The following MIPOL1 variants were observed in gnomAD, a reference collection of about 807,000 sequenced individuals.
MIPOL1 encodes the protein mirror-image polydactyly gene 1 protein.
MIPOL1 carries 57 observed loss-of-function variants against 60.9 expected under a neutral mutation model. The observed-to-expected ratio is 0.94, with a 90% CI of 0.76 to 1.17. The LOEUF (loss-of-function observed/expected upper bound fraction) is 1.17. Among genes scored for constraint, MIPOL1 ranks in the 50% most tolerant of loss-of-function variants. MIPOL1 has a pLI of 0.00. For synonymous variants in MIPOL1, 179 were observed against 168.8 expected (o/e 1.06, Z -0.47); for missense variants, 551 against 511.6 (o/e 1.08, Z -0.74).
chr14:37,537,520 A>C (rs552047864), intron 12 of MIPOL1, among the ~76,000 whole-genome samples: 1 of 152,282 alleles, frequency 6.6e-6, no homozygotes, highest in East Asian at 1.9e-4. Context: ...ACCCATTATT[A>C]AATTTGAGTT....
intron 1 of MIPOL1, among the ~76,000 whole-genome samples, chr14:37,227,396 A>G (rs938620621): frequency 2.6e-5 from 4 of 152,278 alleles, no homozygotes; most frequent in Admixed American, 2.6e-4. Context: ...GTCATTGTAT[A>G]CTATCTCTCC....
intron 11 of MIPOL1, among the ~76,000 whole-genome samples, chr14:37,495,478 G>T (rs1392238855): frequency 6.7e-6 from 1 of 150,340 alleles, no homozygotes; most frequent in African/African-American, 2.5e-5. Flanking sequence ...TTTTATGGCT[G>T]CATAGTATCC....
At chr14:37,433,359 A>G (rs1203541834) in intron 11 of MIPOL1, among the ~76,000 whole-genome samples, 4 of 151,890 alleles carry the variant, frequency 2.6e-5, no homozygotes, top group Admixed American at 2.6e-4. Context: ...TCCTAATGCT[A>G]TCCCTCCCCT....
At chr14:37,265,649 T>G (rs2082823264) in intron 3 of MIPOL1, among the ~76,000 whole-genome samples, 1 of 152,042 alleles carries the variant, frequency 6.6e-6, no homozygotes, top group Non-Finnish European at 1.5e-5. Context: ...AAATAGTTGG[T>G]CAAAAAAACA....
intron 12 of MIPOL1, among the ~76,000 whole-genome samples, chr14:37,535,676 T>TA (rs1263450159): frequency 3.9e-5 from 6 of 152,192 alleles, no homozygotes; most frequent in Non-Finnish European, 8.8e-5. Context: ...CTTCATATGA[T>TA]ATATATCTAC....
At chr14:37,536,190 G>A (rs899059713) in intron 12 of MIPOL1, among the ~76,000 whole-genome samples, 4 of 152,114 alleles carry the variant, frequency 2.6e-5, no homozygotes, top group Non-Finnish European at 5.9e-5. Context: ...AGGCTTTAAC[G>A]CTAAATATTG....
intron 12 of MIPOL1, among the ~76,000 whole-genome samples, chr14:37,530,024 G>A (rs2095470298): frequency 6.6e-6 from 1 of 152,164 alleles, no homozygotes. Context: ...TATTAAATCA[G>A]GTTGGTGTTA....
At chr14:37,426,552 ACT>A (rs1200830432) in intron 11 of MIPOL1, among the ~76,000 whole-genome samples, 1 of 85,328 alleles carries the variant, frequency 1.2e-5, no homozygotes, top group African/African-American at 4.4e-5. Flanking sequence ...CAAGAGTGAA[ACT>A]CTGTCTCAAA....
chr14:37,391,967 CTAAAT>C (rs1273902767), intron 10 of MIPOL1, among the ~76,000 whole-genome samples: 1 of 151,714 alleles, frequency 6.6e-6, no homozygotes, highest in Non-Finnish European at 1.5e-5. Flanking sequence ...CTTAAATAGT[CTAAAT>C]TAAATATTAA....
At chr14:37,200,830 C>T (rs1442603856) in intron 1 of MIPOL1, among the ~76,000 whole-genome samples, 1 of 130,286 alleles carries the variant, frequency 7.7e-6, no homozygotes, top group Non-Finnish European at 1.6e-5. Flanking sequence ...AAATATAGAT[C>T]CATAATACTA....
At chr14:37,214,463 A>G (rs1207765038) in intron 1 of MIPOL1, among the ~76,000 whole-genome samples, 1 of 152,222 alleles carries the variant, frequency 6.6e-6, no homozygotes, top group Non-Finnish European at 1.5e-5. Flanking sequence ...CAAGCCACCC[A>G]GGTGCTGAGG....
chr14:37,402,318 C>T (rs573820837), intron 10 of MIPOL1, among the ~76,000 whole-genome samples: 4 of 152,202 alleles, frequency 2.6e-5, no homozygotes, highest in Non-Finnish European at 5.9e-5. Context: ...AAATTTGCCA[C>T]CTTTTGGGGA....
intron 6 of MIPOL1, among the ~76,000 whole-genome samples, chr14:37,282,172 C>G (rs1293503616): frequency 6.6e-6 from 1 of 151,778 alleles, no homozygotes; most frequent in Non-Finnish European, 1.5e-5. Flanking sequence ...TGTAGTTTGA[C>G]AGTATAAATA....
intron 9 of MIPOL1, among the ~76,000 whole-genome samples, chr14:37,353,453 A>G (rs2091560992): frequency 6.6e-6 from 1 of 151,524 alleles, no homozygotes; most frequent in Admixed American, 6.6e-5. Flanking sequence ...CTCTTTTTCT[A>G]TTGATTGGAA....
chr14:37,291,605 T>C (rs961307190), intron 7 of MIPOL1, among the ~76,000 whole-genome samples: 1 of 152,182 alleles, frequency 6.6e-6, no homozygotes, highest in African/African-American at 2.4e-5. Context: ...CTTCTTTCCC[T>C]TGTGTCTTAT....
Position 37,391,401 on chromosome 14 carries a change from C to CTTT in MIPOL1, c.936+21788_936+21790dup, listed in dbSNP as rs10656096. Among the ~76,000 whole-genome samples, 1,072 of 145,146 alleles carry CTTT rather than the reference C, an allele frequency of 7.4e-3. 21 individuals carry two copies. In the East Asian group the frequency reaches 0.078, roughly 11 times the overall value. On this transcript the variant is annotated intron_variant, in intron 10 of 12. Transcript: ENST00000684589. Reference sequence around the variant, plus strand: ...AAATATTGATCTAATGAAGCCTAATCTTTTTTTTTTTTTGAGATAGAGTCT... The same window carrying CTTT: ...AAATATTGATCTAATGAAGCCTAATCTTTTTTTTTTTTTTTTGAGATAGAGTCT...
intron 11 of MIPOL1, among the ~76,000 whole-genome samples, chr14:37,480,355 T>C (rs1408186759): frequency 1.3e-5 from 2 of 152,150 alleles, no homozygotes; most frequent in Non-Finnish European, 2.9e-5. Context: ...TCCACCATTA[T>C]CGAGTGGGAT....
chr14:37,356,753 G>A (rs1034896652), intron 9 of MIPOL1, among the ~76,000 whole-genome samples: 2 of 152,124 alleles, frequency 1.3e-5, no homozygotes, highest in African/African-American at 4.8e-5. Context: ...GCAATGCCTC[G>A]CCCTGCTTCG....
At chr14:37,529,343 G>A (rs919202414) in intron 12 of MIPOL1, among the ~76,000 whole-genome samples, 15 of 152,102 alleles carry the variant, frequency 9.9e-5, no homozygotes, top group African/African-American at 3.4e-4. Flanking sequence ...AGCACTACTG[G>A]TTGGATACAT....
Sources: allele counts gnomAD v4.1 joint callset (sites outside exome capture counted in the v4.1 genomes callset), GRCh38; gene constraint gnomAD v4.1.1; transcripts MANE v1.5; gene names NCBI Gene and HGNC (gene_info 2026-07-23, HGNC 2026-07-21).